The following DENND1A variants were observed in gnomAD, a reference collection of about 807,000 sequenced individuals.
DENND1A encodes DENN domain containing 1A.
In DENND1A, 51 loss-of-function variants were observed where a neutral mutation model predicts 113.7. The ratio of observed to expected loss-of-function variants is 0.45; its 90% CI spans 0.36 to 0.57. DENND1A has a LOEUF of 0.57. Among genes scored for constraint, DENND1A ranks in the 20% least tolerant of loss-of-function variants. DENND1A has a pLI of 0.00. For synonymous variants in DENND1A, 565 were observed against 570.8 expected (o/e 0.99, Z 0.14); for missense variants, 1,258 against 1,395.9 (o/e 0.90, Z 1.57).
intron 19 of DENND1A, among the ~76,000 whole-genome samples, chr9:123,436,030 C>T (rs2132228897): frequency 6.6e-6 from 1 of 152,318 alleles, no homozygotes; most frequent in Non-Finnish European, 1.5e-5. Context: ...TCAAGGCCAG[C>T]CATTCTAACC....
intron 5 of DENND1A, among the ~76,000 whole-genome samples, chr9:123,687,951 A>G (rs913403625): frequency 2.0e-5 from 3 of 152,206 alleles, no homozygotes; most frequent in South Asian, 4.1e-4. Flanking sequence ...AATCTATTCA[A>G]CTACAACTAC....
chr9:123,567,759 G>A (rs2058134649), intron 12 of DENND1A, among the ~76,000 whole-genome samples: 1 of 152,112 alleles, frequency 6.6e-6, no homozygotes, highest in Non-Finnish European at 1.5e-5. Flanking sequence ...TCTGCCCTCA[G>A]AGCCACTATC....
intron 2 of DENND1A, among the ~76,000 whole-genome samples, chr9:123,798,008 G>T (rs913064430): frequency 7.9e-5 from 12 of 152,026 alleles, no homozygotes; most frequent in Admixed American, 2.0e-4. Flanking sequence ...AATGAAATTT[G>T]TTATTTAAAA....
At chr9:123,815,328 T>A (rs549834974) in intron 2 of DENND1A, among the ~76,000 whole-genome samples, 1 of 152,334 alleles carries the variant, frequency 6.6e-6, no homozygotes, top group East Asian at 1.9e-4. Context: ...TATTCCTAAC[T>A]AATCAGCAAA....
chr9:123,452,464 C>CCTTT, intron 16 of DENND1A, 117 bp from the exon 17 acceptor site: 1 of 805,254 alleles, frequency 1.2e-6, no homozygotes, highest in South Asian at 1.5e-5. Flanking sequence ...AAATGCACAT[C>CCTTT]GAGAAATAGG....
chr9:123,436,571 C>T (rs1314713949), intron 19 of DENND1A, among the ~76,000 whole-genome samples: 2 of 152,174 alleles, frequency 1.3e-5, no homozygotes, highest in Non-Finnish European at 2.9e-5. Flanking sequence ...ACTGCGACAT[C>T]TTCCAAGGCA....
At chr9:123,896,700 G>A (rs1485323485) in intron 1 of DENND1A, among the ~76,000 whole-genome samples, 1 of 152,000 alleles carries the variant, frequency 6.6e-6, no homozygotes, top group Non-Finnish European at 1.5e-5. Context: ...AACTGAAAAA[G>A]AACAAAATAG....
At chr9:123,895,621 CAAA>C (rs541744618) in intron 1 of DENND1A, among the ~76,000 whole-genome samples, 2 of 108,304 alleles carry the variant, frequency 1.8e-5, no homozygotes, top group Non-Finnish European at 3.9e-5. Context: ...GACTCTGACT[CAAA>C]AAAAAAAAAA....
chr9:123,685,231 G>T (rs2064734771), intron 5 of DENND1A, among the ~76,000 whole-genome samples: 1 of 152,166 alleles, frequency 6.6e-6, no homozygotes, highest in African/African-American at 2.4e-5. Flanking sequence ...AAAAGTCAAA[G>T]CAACCTCAAT....
At chr9:123,589,753 T>C (rs1357539113) in intron 11 of DENND1A, among the ~76,000 whole-genome samples, 3 of 152,066 alleles carry the variant, frequency 2.0e-5, no homozygotes, top group Non-Finnish European at 4.4e-5. Flanking sequence ...CCCATATATA[T>C]TGTTAATGAA....
chr9:123,592,797 G>T (rs1392589001), intron 11 of DENND1A, among the ~76,000 whole-genome samples: 1 of 152,064 alleles, frequency 6.6e-6, no homozygotes, highest in Non-Finnish European at 1.5e-5. Flanking sequence ...ATGCCACTGT[G>T]CCCAGCTTTA....
intron 11 of DENND1A, among the ~76,000 whole-genome samples, chr9:123,607,378 G>C (rs2060200749): frequency 6.7e-6 from 1 of 149,748 alleles, no homozygotes; most frequent in Non-Finnish European, 1.5e-5. Context: ...GCCATGATCA[G>C]TGTGTTCCAC....
intron 6 of DENND1A, among the ~76,000 whole-genome samples, chr9:123,673,550 T>C (rs1317738751): frequency 6.6e-6 from 1 of 152,248 alleles, no homozygotes; most frequent in Non-Finnish European, 1.5e-5. Flanking sequence ...ACTGGGTTCC[T>C]TTTAGTGGGC....
At chr9:123,888,076 G>C (rs1214811065) in intron 1 of DENND1A, among the ~76,000 whole-genome samples, 1 of 152,168 alleles carries the variant, frequency 6.6e-6, no homozygotes, top group Non-Finnish European at 1.5e-5. Flanking sequence ...CCAGGCCTTG[G>C]CTTCTAAATA....
At chr9:123,846,159 C>T (rs1842587149) in intron 2 of DENND1A, among the ~76,000 whole-genome samples, 1 of 152,172 alleles carries the variant, frequency 6.6e-6, no homozygotes, top group Non-Finnish European at 1.5e-5. Context: ...TTCATCCCCA[C>T]TAGAATGGCT....
Position 123,381,599 on chromosome 9 carries a change from G to A in DENND1A, c.3046C>T (p.Pro1016Ser). 6.2e-7 allele frequency: 1 copy of A among 1,613,264 alleles called. No individual in the cohort carries two copies. Among genetic ancestry groups the A allele is most frequent in the Non-Finnish European group, 8.5e-7 (1 of 1,179,862 alleles). ...TGCAGTGTTGGCTCCAGGCCTTGAG[G>A]GGGCCTGGGAGGCAGAAGCGGGGGG... is the stretch of plus-strand genomic sequence containing the variant. Reference protein sequence around the residue: ...GDPPLLPPRPPQGLEPTLQPS... With the variant: ...GDPPLLPPRPSQGLEPTLQPS... Residue 1016 changes from proline (P) to serine (S), a missense_variant, in exon 24 of 24, where the codon CCT becomes TCT. Around this residue, in one of 2 missense-constraint regions of DENND1A, gnomAD observed 1,159 missense variants for 1,231.7 expected, o/e 0.94. Coordinates refer to ENST00000394215, the MANE Select transcript of DENND1A (RefSeq NM_001352964.2). The surrounding 1 kb of genome is among the most constrained non-coding windows in gnomAD (Gnocchi z 4.7).
chr9:123,578,740 C>T (rs2058741468), intron 12 of DENND1A, among the ~76,000 whole-genome samples: 1 of 152,062 alleles, frequency 6.6e-6, no homozygotes, highest in Non-Finnish European at 1.5e-5. Flanking sequence ...GGGAAATGGG[C>T]AATAAATCAG....
intron 3 of DENND1A, among the ~76,000 whole-genome samples, chr9:123,786,925 TA>T (rs1015201310): frequency 2.0e-5 from 3 of 147,522 alleles, no homozygotes; most frequent in African/African-American, 2.5e-5. Flanking sequence ...GGAAAAGAAT[TA>T]AAAAAAAAAC....
chr9:123,779,163 G>GC (rs111365428), intron 3 of DENND1A, among the ~76,000 whole-genome samples: 1,577 of 152,184 alleles, frequency 0.01, 32 homozygotes, highest in African/African-American at 0.035. Flanking sequence ...GGTTTGTTTG[G>GC]CTTAGAATAT....
Sources: gnomAD v4.1 joint callset for allele counts (sites outside exome capture counted in the v4.1 genomes callset) on GRCh38, gnomAD v4.1.1 for gene constraint, gnomAD v4.1.1 regional missense constraint, Gnocchi (gnomAD v3.1) non-coding constraint, MANE v1.5 for transcripts, NCBI Gene and HGNC (gene_info 2026-07-23, HGNC 2026-07-21) for gene names.